Variants in B4GALT6 observed in about 807,000 individuals in gnomAD.
The protein encoded by B4GALT6 is beta-1,4-galactosyltransferase 6.
Under a neutral mutation model 46.3 loss-of-function variants are expected in B4GALT6, and 14 were observed. The observed-to-expected ratio is 0.30, with a 90% CI of 0.20 to 0.47. The LOEUF is 0.47. Among genes scored for constraint, B4GALT6 ranks in the 20% least tolerant of loss-of-function variants. The pLI is 0.99. For synonymous variants in B4GALT6, 168 were observed against 162.0 expected (o/e 1.04, Z -0.28); for missense variants, 386 against 480.1 (o/e 0.80, Z 1.83).
Position 31,627,130 on chromosome 18 carries a change from G to A in B4GALT6, c.777-9C>T. 1 of 1,586,752 alleles carries A rather than the reference G, an allele frequency of 6.3e-7. No individual in the cohort carries two copies. The highest frequency in any genetic ancestry group is 1.7e-4 in the Middle Eastern group (1 of 5,942). ...ATTCTTTATATGGAAGACTAGAAAA[G>A]AAAGACACAGTATTCTAAAAATAAA... On this transcript the variant is annotated splice_polypyrimidine_tract_variant and intron_variant, in intron 6 of 8. Transcript: ENST00000306851.
intron 1 of B4GALT6, among the ~76,000 whole-genome samples, chr18:31,677,000 T>C (rs1474407181): frequency 6.6e-6 from 1 of 152,236 alleles, no homozygotes; most frequent in Non-Finnish European, 1.5e-5. Flanking sequence ...ATTAAATATA[T>C]CTTCTTTTAC....
the B4GALT6 span, among the ~76,000 whole-genome samples, chr18:31,705,601 C>T: frequency 6.6e-6 from 1 of 152,214 alleles, no homozygotes; most frequent in South Asian, 2.1e-4. Context: ...ATTGGCCAGG[C>T]TGTTCTCGAA....
intron 3 of B4GALT6, among the ~76,000 whole-genome samples, chr18:31,657,061 T>C (rs934083356): frequency 2.6e-5 from 4 of 152,222 alleles, no homozygotes; most frequent in Non-Finnish European, 5.9e-5. Context: ...GGGATATAAA[T>C]TGGTATAGCT....
chr18:31,655,956 C>A (rs2074133125), intron 3 of B4GALT6, among the ~76,000 whole-genome samples: 1 of 151,948 alleles, frequency 6.6e-6, no homozygotes, highest in Admixed American at 6.5e-5. Flanking sequence ...CAGTGGGTCT[C>A]AATACGTGGC....
the B4GALT6 span, among the ~76,000 whole-genome samples, chr18:31,697,816 A>T: frequency 6.6e-6 from 1 of 151,952 alleles, no homozygotes; most frequent in Non-Finnish European, 1.5e-5. Flanking sequence ...ACCTTTGAAG[A>T]TATTATTTAT....
chr18:31,684,544 C>G lies in B4GALT6; in HGVS notation c.-118G>C, dbSNP rs2074520041. The G allele has an allele frequency of 1.4e-6, 2 of 1,463,718 alleles. No homozygotes were observed. 90.7% of individuals were successfully genotyped at this position (1,463,718 alleles called of 1,614,324 possible). On this transcript the variant is annotated 5_prime_UTR_variant, in exon 1 of 9. Coordinates refer to ENST00000306851, the MANE Select transcript of B4GALT6 (RefSeq NM_004775.5). ...CCCCGAGACTGCAGCGGGGTCCGCG[C>G]GGGGAGGCTCTGGGGAGAGGGCCCG...
At chr18:31,657,153 T>C (rs554436952) in intron 3 of B4GALT6, among the ~76,000 whole-genome samples, 4 of 152,228 alleles carry the variant, frequency 2.6e-5, no homozygotes, top group Admixed American at 6.5e-5. Context: ...AACCCTCAAG[T>C]ACACATGCAT....
At chr18:31,665,332 A>C (rs888889644) in intron 2 of B4GALT6, among the ~76,000 whole-genome samples, 1 of 152,240 alleles carries the variant, frequency 6.6e-6, no homozygotes, top group African/African-American at 2.4e-5. Flanking sequence ...ATTCTTCCAC[A>C]ATAGTGAAAT....
chr18:31,629,927 T>G (rs1252601147), intron 6 of B4GALT6, among the ~76,000 whole-genome samples: 17 of 147,792 alleles, frequency 1.2e-4, no homozygotes. Context: ...ATACTCAAAG[T>G]TCAGATACAG....
intron 2 of B4GALT6, among the ~76,000 whole-genome samples, chr18:31,660,969 G>A (rs1354807524): frequency 6.6e-6 from 1 of 152,182 alleles, no homozygotes; most frequent in African/African-American, 2.4e-5. Flanking sequence ...CTGGAAGAGA[G>A]AAGACAATGG....
chr18:31,685,357 T>A (rs1220779851), upstream of B4GALT6, among the ~76,000 whole-genome samples: 1 of 151,182 alleles, frequency 6.6e-6, no homozygotes, highest in East Asian at 2.0e-4. Flanking sequence ...CGGAGCCGCG[T>A]CTGGTTGGAG....
At chr18:31,668,284 A>G (rs1365090063) in intron 1 of B4GALT6, among the ~76,000 whole-genome samples, 1 of 152,158 alleles carries the variant, frequency 6.6e-6, no homozygotes, top group African/African-American at 2.4e-5. Flanking sequence ...AAAGATGGCC[A>G]GCAACAGAAA....
At chr18:31,703,293 C>T in the B4GALT6 span, among the ~76,000 whole-genome samples, 3 of 151,928 alleles carry the variant, frequency 2.0e-5, no homozygotes, top group African/African-American at 7.3e-5. Flanking sequence ...TACAAGGGCT[C>T]AGAAAATGTG....
chr18:31,688,261 A>ATATATATATATATATACG (rs199674404), upstream of B4GALT6, among the ~76,000 whole-genome samples: 17,650 of 146,706 alleles, frequency 0.12, 1,122 homozygotes, highest in African/African-American at 0.14. Context: ...ATATATATAC[A>ATATATATATATATATACG]TATATATATA....
chr18:31,672,818 A>G (rs2074371617), intron 1 of B4GALT6, among the ~76,000 whole-genome samples: 1 of 152,224 alleles, frequency 6.6e-6, no homozygotes, highest in Non-Finnish European at 1.5e-5. Context: ...AAATCCCAGC[A>G]GTGTGGCCCC....
At chr18:31,638,905 A>G (rs2073896243) in intron 4 of B4GALT6, 145 bp from the exon 5 acceptor site, 1 of 668,212 alleles carries the variant, frequency 1.5e-6, no homozygotes, top group African/African-American at 1.8e-5. Flanking sequence ...CAGCAAGCAA[A>G]CACGCAAAAA....
chr18:31,689,185 A>AGCTTAATGCTAG (rs1440487313), upstream of B4GALT6, among the ~76,000 whole-genome samples: 1 of 152,168 alleles, frequency 6.6e-6, no homozygotes, highest in Non-Finnish European at 1.5e-5. Flanking sequence ...AGGTTTATTC[A>AGCTTAATGCTAG]GTAGATTGCT....
chr18:31,646,238 G>A (rs2073989683), intron 3 of B4GALT6, among the ~76,000 whole-genome samples: 1 of 152,186 alleles, frequency 6.6e-6, no homozygotes, highest in Admixed American at 6.5e-5. Context: ...TGGTCTAACA[G>A]GCACTCATTC....
chr18:31,684,546 G>A lies in B4GALT6; in HGVS notation c.-120C>T. On this transcript the variant is annotated 5_prime_UTR_variant, in exon 1 of 9. Coordinates refer to ENST00000306851, the MANE Select transcript of B4GALT6 (RefSeq NM_004775.5). ...CCGAGACTGCAGCGGGGTCCGCGCG[G>A]GGAGGCTCTGGGGAGAGGGCCCGAG... The A allele has an allele frequency of 6.7e-7, 1 of 1,487,748 alleles. No individual in the cohort carries two copies. Among genetic ancestry groups the A allele is most frequent in the Non-Finnish European group, 9.0e-7 (1 of 1,117,004 alleles). The allele number at this position is 1,487,748 out of a possible 1,614,324, so 92.2% of individuals were successfully genotyped here.
Sources: gnomAD v4.1 joint callset for allele counts (sites outside exome capture counted in the v4.1 genomes callset) on GRCh38, gnomAD v4.1.1 for gene constraint, MANE v1.5 for transcripts, NCBI Gene and HGNC (gene_info 2026-07-23, HGNC 2026-07-21) for gene names.